Variants in DDAH1 observed in about 807,000 individuals in gnomAD.
The protein encoded by DDAH1 is N(G),N(G)-dimethylarginine dimethylaminohydrolase 1.
DDAH1 carries 19 observed loss-of-function variants against 28.8 expected under a neutral mutation model. That is an observed-to-expected ratio of 0.66 (90% CI 0.46 to 0.97). DDAH1 has a LOEUF of 0.97. Among genes scored for constraint, DDAH1 ranks in the 50% least tolerant of loss-of-function variants. The pLI, the probability that DDAH1 is intolerant of heterozygous loss-of-function variation, is 0.00. For synonymous variants in DDAH1, 153 were observed against 154.4 expected (o/e 0.99, Z 0.07); for missense variants, 326 against 375.9 (o/e 0.87, Z 1.10).
chr1:85,526,317 C>G (rs1378711767), intron 1 of DDAH1, among the ~76,000 whole-genome samples: 2 of 152,198 alleles, frequency 1.3e-5, no homozygotes, highest in African/African-American at 4.8e-5. Context: ...GATCCCTCAG[C>G]TTCTGAATCA....
chr1:85,391,045 A>G (rs1651523076), intron 1 of DDAH1, among the ~76,000 whole-genome samples: 1 of 152,238 alleles, frequency 6.6e-6, no homozygotes, highest in Non-Finnish European at 1.5e-5. Flanking sequence ...CTTTTTAAAA[A>G]AATTCATTGC....
intron 2 of DDAH1, among the ~76,000 whole-genome samples, chr1:85,476,438 G>A (rs1298867290): frequency 6.6e-6 from 1 of 152,174 alleles, no homozygotes; most frequent in African/African-American, 2.4e-5. Context: ...CTTTCCAGCT[G>A]ACTTTCTCAC....
chr1:85,428,436 T>C (rs1267261554), intron 1 of DDAH1, among the ~76,000 whole-genome samples: 2 of 152,120 alleles, frequency 1.3e-5, no homozygotes, highest in African/African-American at 4.8e-5. Context: ...GACTTATTCA[T>C]TATCATGAGA....
At chr1:85,363,890 A>G (rs141569476) in intron 1 of DDAH1, among the ~76,000 whole-genome samples, 1 of 134,044 alleles carries the variant, frequency 7.5e-6, no homozygotes, top group Non-Finnish European at 1.6e-5. Flanking sequence ...TTCAACAAAT[A>G]TTTGGTGGAT....
At chr1:85,519,260 A>AT (rs1275254643) in intron 1 of DDAH1, among the ~76,000 whole-genome samples, 6 of 150,714 alleles carry the variant, frequency 4.0e-5, no homozygotes, top group Non-Finnish European at 7.4e-5. Context: ...GGCCGGCGTA[A>AT]TTTTTTTTTG....
chr1:85,477,675 T>A (rs527564495), intron 2 of DDAH1, among the ~76,000 whole-genome samples: 1 of 151,854 alleles, frequency 6.6e-6, no homozygotes, highest in African/African-American at 2.4e-5. Context: ...CTACTATATA[T>A]AGAAATATAT....
intron 4 of DDAH1, among the ~76,000 whole-genome samples, chr1:85,344,722 T>C (rs959451490): frequency 6.6e-6 from 1 of 152,184 alleles, no homozygotes; most frequent in African/African-American, 2.4e-5. Context: ...GAGGCAGATA[T>C]TACTATCTGT....
chr1:85,523,371 T>C (rs1275251679), intron 1 of DDAH1, among the ~76,000 whole-genome samples: 4 of 151,962 alleles, frequency 2.6e-5, no homozygotes, highest in Admixed American at 2.6e-4. Flanking sequence ...CTTCTCTACC[T>C]GGGGCACCTA....
Position 85,421,239 on chromosome 1 carries a change from C to T in DDAH1, c.303+43504G>A, listed in dbSNP as rs142189023. 3.3e-5 allele frequency among the ~76,000 whole-genome samples: 5 copies of T among 152,292 alleles called. No homozygotes were observed. In the East Asian group the frequency reaches 7.7e-4, roughly 23 times the overall value. On this transcript the variant is annotated intron_variant, in intron 1 of 5. Transcript: ENST00000284031. ...ACTTGAATGGGGACACAGATCCAAACCATATCACAAAAGAAATAACTTTAT... is the reference window on the plus strand; with the variant it reads ...ACTTGAATGGGGACACAGATCCAAATCATATCACAAAAGAAATAACTTTAT...
intron 4 of DDAH1, among the ~76,000 whole-genome samples, chr1:85,332,377 G>A (rs1197016528): frequency 6.6e-6 from 1 of 152,164 alleles, no homozygotes; most frequent in Non-Finnish European, 1.5e-5. Flanking sequence ...GTGTTTCCCA[G>A]AGCATGAAAC....
intron 1 of DDAH1, among the ~76,000 whole-genome samples, chr1:85,404,743 TTCTCTC>T (rs894215502): frequency 6.6e-6 from 1 of 151,854 alleles, no homozygotes; most frequent in African/African-American, 2.4e-5. Context: ...TTCTCTGTCT[TTCTCTC>T]TCTCTCTCAA....
At chr1:85,411,997 T>C (rs574022544) in intron 1 of DDAH1, among the ~76,000 whole-genome samples, 2 of 152,344 alleles carry the variant, frequency 1.3e-5, no homozygotes, top group East Asian at 3.9e-4. Flanking sequence ...CCGTCTAAAT[T>C]ATCCCACTGA....
chr1:85,566,160 C>T (rs905145091), intron 1 of DDAH1, among the ~76,000 whole-genome samples: 1 of 150,654 alleles, frequency 6.6e-6, no homozygotes, highest in African/African-American at 2.4e-5. Flanking sequence ...GGAAATACAA[C>T]AGAATAAAAC....
In DDAH1 at chr1:85,423,958, C is replaced by T. The variant is rs1181971486; in HGVS notation, c.303+40785G>A. 2.6e-5 allele frequency among the ~76,000 whole-genome samples: 4 copies of T among 152,030 alleles called. No homozygotes were observed. In the East Asian group the frequency reaches 7.7e-4, roughly 29 times the overall value. On this transcript the variant is annotated intron_variant, in intron 1 of 5. Transcript: ENST00000284031. ...GTTAGATTCTGTCAAATGTTTTTTT[C>T]TCTACACATTAATATCATCACATAT...
At chr1:85,506,740 C>T (rs1019697591) in intron 1 of DDAH1, among the ~76,000 whole-genome samples, 19 of 152,120 alleles carry the variant, frequency 1.2e-4, no homozygotes, top group African/African-American at 4.6e-4. Context: ...TCAGACTTTA[C>T]CATGTGGGTG....
intron 1 of DDAH1, among the ~76,000 whole-genome samples, chr1:85,463,546 CTT>C (rs1219735404): frequency 6.6e-6 from 1 of 152,186 alleles, no homozygotes; most frequent in African/African-American, 2.4e-5. Flanking sequence ...ATCTGTTACT[CTT>C]TTGGTTTTCT....
At chr1:85,366,109 A>C (rs71652696) in intron 1 of DDAH1, among the ~76,000 whole-genome samples, 21,467 of 151,764 alleles carry the variant, frequency 0.14, 1,836 homozygotes, top group Admixed American at 0.2. Flanking sequence ...AAAAAAAAAA[A>C]AACAAAACAA....
chr1:85,484,663 T>C (rs1012153031), intron 2 of DDAH1, among the ~76,000 whole-genome samples: 1 of 152,252 alleles, frequency 6.6e-6, no homozygotes, highest in Admixed American at 6.5e-5. Context: ...CTACAAACAG[T>C]GCAATTGATA....
Position 85,541,405 on chromosome 1 carries a change from G to T in DDAH1, c.-123+36579C>A, listed in dbSNP as rs940626661. Among the ~76,000 whole-genome samples, 7 of 152,252 alleles carry T rather than the reference G, an allele frequency of 4.6e-5. No homozygotes were observed. In the South Asian group the frequency reaches 1.4e-3, roughly 32 times the overall value. ...CTTGCTACTGCCTGGAAGAGAAGGA[G>T]TTGCTGGAACCCTAAATATGTCTTG... On this transcript the variant is annotated intron_variant, in intron 1 of 6. Coordinates refer to the DDAH1 transcript ENST00000426972.
Sources: gnomAD v4.1 joint callset for allele counts (sites outside exome capture counted in the v4.1 genomes callset) on GRCh38, gnomAD v4.1.1 for gene constraint, MANE v1.5 for transcripts, NCBI Gene and HGNC (gene_info 2026-07-23, HGNC 2026-07-21) for gene names.